ZNF560: variants seen among roughly 807,000 people sequenced by gnomAD.
ZNF560 encodes the protein zinc finger protein 560.
In ZNF560, 54 loss-of-function variants were observed where a neutral mutation model predicts 81.8. The observed-to-expected ratio is 0.66, with a 90% CI of 0.53 to 0.83. The LOEUF is 0.83. Ranked by LOEUF, ZNF560 falls within the 40% of genes least tolerant of loss-of-function variation. The pLI, the probability that ZNF560 is intolerant of heterozygous loss-of-function variation, is 0.00. For missense variants in ZNF560, 940 were observed against 932.4 expected, an observed-to-expected ratio of 1.01 and a Z score of -0.11; for synonymous variants, 321 against 317.9, an observed-to-expected ratio of 1.01 and a Z score of -0.10.
chr19:9,468,708 A>G (rs1022614702), intron 9 of ZNF560, among the ~76,000 whole-genome samples: 15 of 146,406 alleles, frequency 1.0e-4, no homozygotes, highest in Non-Finnish European at 4.5e-5. Flanking sequence ...TCAAATATCT[A>G]TCATTTCTGC....
At chr19:9,500,867 G>A (rs923203997), upstream of ZNF560, among the ~76,000 whole-genome samples, 9 of 151,994 alleles carry the variant, frequency 5.9e-5, no homozygotes, top group South Asian at 2.1e-4. Context: ...GAGCCACCAC[G>A]CCTGGCCAGT....
At chr19:9,478,233 G>A (rs1453217706) in intron 2 of ZNF560, among the ~76,000 whole-genome samples, 3 of 152,158 alleles carry the variant, frequency 2.0e-5, no homozygotes, top group African/African-American at 7.2e-5. Context: ...GAGAGAATGG[G>A]ATGACATATA....
At chr19:9,482,869 T>C (rs914620710) in intron 2 of ZNF560, among the ~76,000 whole-genome samples, 8 of 152,290 alleles carry the variant, frequency 5.3e-5, no homozygotes, top group East Asian at 1.9e-4. Flanking sequence ...TTTGCTGTGT[T>C]GGCCGGGCTG....
chr19:9,475,556 C>T (rs2073187351), intron 2 of ZNF560, among the ~76,000 whole-genome samples, 187 bp from the exon 3 acceptor site: 1 of 152,140 alleles, frequency 6.6e-6, no homozygotes, highest in Admixed American at 6.5e-5. Flanking sequence ...GAATTGTGGG[C>T]CAAGCTGTCG....
At chr19:9,498,770 A>C (rs370061967), upstream of ZNF560, 2 of 152,490 alleles carry the variant, frequency 1.3e-5, no homozygotes, top group African/African-American at 4.8e-5. Flanking sequence ...GGTGGGCAAG[A>C]GAGAAATGGA....
chr19:9,456,372 C>T, the ZNF560 span, among the ~76,000 whole-genome samples: 1 of 152,132 alleles, frequency 6.6e-6, no homozygotes, highest in South Asian at 2.1e-4. Context: ...AAATTCAAAT[C>T]GTTATATCTA....
At chr19:9,491,993 T>TG (rs751109188) in intron 2 of ZNF560, among the ~76,000 whole-genome samples, 525 of 3,946 alleles carry the variant, frequency 0.13, 1 homozygote, top group Middle Eastern at 0.33. Context: ...TCTTTTCTTT[T>TG]GGGGGGGGGA....
intron 2 of ZNF560, among the ~76,000 whole-genome samples, chr19:9,480,999 G>A (rs2073279810): frequency 1.3e-5 from 2 of 150,448 alleles, no homozygotes; most frequent in Admixed American, 6.6e-5. Context: ...TAGGAGGATA[G>A]CTTGAGCCCA....
At chr19:9,458,992 A>G in the ZNF560 span, among the ~76,000 whole-genome samples, 2 of 152,244 alleles carry the variant, frequency 1.3e-5, no homozygotes, top group Non-Finnish European at 2.9e-5. Context: ...TGTGTTAAAC[A>G]TCACCTTTTG....
At chr19:9,490,582 G>A (rs141410192) in intron 2 of ZNF560, among the ~76,000 whole-genome samples, 120 of 152,304 alleles carry the variant, frequency 7.9e-4, no homozygotes, top group Non-Finnish European at 9.6e-4. Flanking sequence ...CACAGTCTCT[G>A]TTACAAATAC....
At chr19:9,464,295 C>T (rs2072981033), downstream of ZNF560, among the ~76,000 whole-genome samples, 2 of 152,186 alleles carry the variant, frequency 1.3e-5, no homozygotes, top group Admixed American at 6.5e-5. Flanking sequence ...ATAGGTCATA[C>T]TGCCAATCAT....
chr19:9,467,863 G>A lies in ZNF560; in HGVS notation c.1084C>T (p.His362Tyr). ...TGGGTTTGCATGTGATTATTAAGGTGGGTAGGGTATCTAAAATCTTTTCCA... is the reference window on the plus strand; with the variant it reads ...TGGGTTTGCATGTGATTATTAAGGTAGGTAGGGTATCTAAAATCTTTTCCA... Reference protein sequence around the residue: ...ECGKDFRYPTHLNNHMQTHIG... With the variant: ...ECGKDFRYPTYLNNHMQTHIG... Residue 362 changes from histidine (H) to tyrosine (Y), a missense_variant, in exon 10 of 10, where the codon CAC becomes TAC. Coordinates refer to ENST00000301480, the MANE Select transcript of ZNF560 (RefSeq NM_152476.3). 2 of 1,614,170 alleles carry A rather than the reference G, an allele frequency of 1.2e-6. No homozygotes were observed. The highest frequency in any genetic ancestry group is 1.7e-6 in the Non-Finnish European group (2 of 1,180,036).
chr19:9,481,087 A>T (rs1376648203), intron 2 of ZNF560, among the ~76,000 whole-genome samples: 1 of 151,388 alleles, frequency 6.6e-6, no homozygotes, highest in African/African-American at 2.4e-5. Flanking sequence ...TATCTGAAAA[A>T]AAAAAAAAAA....
the ZNF560 span, among the ~76,000 whole-genome samples, chr19:9,504,820 C>T: frequency 6.6e-6 from 1 of 152,142 alleles, no homozygotes; most frequent in Non-Finnish European, 1.5e-5. Flanking sequence ...GGCACAGTGG[C>T]TCATTCCTGT....
At chr19:9,473,074 A>C in intron 5 of ZNF560, 105 bp downstream of exon 5, 1 of 894,304 alleles carries the variant, frequency 1.1e-6, no homozygotes, top group East Asian at 2.5e-5. Context: ...TTAATAAATC[A>C]CCCAGTCTCA....
At chr19:9,458,748 G>A in the ZNF560 span, among the ~76,000 whole-genome samples, 3 of 152,124 alleles carry the variant, frequency 2.0e-5, no homozygotes, top group East Asian at 1.9e-4. Flanking sequence ...TTTAACACAC[G>A]TTAATGTCTC....
At chr19:9,488,712 T>C (rs2144720901) in intron 2 of ZNF560, among the ~76,000 whole-genome samples, 1 of 152,264 alleles carries the variant, frequency 6.6e-6, no homozygotes, top group South Asian at 2.1e-4. Context: ...GGTTAAAATG[T>C]TAACATTAGA....
chr19:9,453,679 C>T, the ZNF560 span, among the ~76,000 whole-genome samples: 2 of 152,064 alleles, frequency 1.3e-5, no homozygotes, highest in South Asian at 2.1e-4. Flanking sequence ...TTACTAGTGC[C>T]TACAAAATAT....
At chr19:9,504,299 G>A in the ZNF560 span, among the ~76,000 whole-genome samples, 1 of 152,110 alleles carries the variant, frequency 6.6e-6, no homozygotes, top group Non-Finnish European at 1.5e-5. Flanking sequence ...GCCAGGTGTG[G>A]TGGCATATGC....
Sources: allele counts gnomAD v4.1 joint callset (sites outside exome capture counted in the v4.1 genomes callset), GRCh38; gene constraint gnomAD v4.1.1; transcripts MANE v1.5; gene names NCBI Gene and HGNC (gene_info 2026-07-23, HGNC 2026-07-21).